Variants in LDLRAD3 observed in about 807,000 individuals in gnomAD.
LDLRAD3 encodes the protein low-density lipoprotein receptor class A domain-containing protein 3.
A neutral mutation model predicts 29.4 loss-of-function variants in LDLRAD3; 20 were observed. The ratio of observed to expected loss-of-function variants is 0.68; its 90% CI spans 0.48 to 0.99. The LOEUF is 0.99. LDLRAD3 is among the 50% of genes least tolerant of loss of function. The pLI is 0.00. For missense variants in LDLRAD3, 420 were observed against 454.3 expected (o/e 0.92, Z 0.69); for synonymous variants, 157 against 192.7 (o/e 0.81, Z 1.53).
At chr11:35,979,313 G>A (rs1851511446) in intron 1 of LDLRAD3, among the ~76,000 whole-genome samples, 1 of 152,132 alleles carries the variant, frequency 6.6e-6, no homozygotes, top group Admixed American at 6.5e-5. Flanking sequence ...TGAGAGTTGT[G>A]TGCAAAAAAA....
intron 1 of LDLRAD3, among the ~76,000 whole-genome samples, chr11:35,962,255 T>TCA (rs1311822790): frequency 1.4e-4 from 22 of 152,316 alleles, no homozygotes; most frequent in African/African-American, 5.1e-4. Context: ...CTCCAAGTTC[T>TCA]AGGGGTATTC....
At chr11:36,145,221 C>G (rs1231875243) in intron 4 of LDLRAD3, among the ~76,000 whole-genome samples, 1 of 9,950 alleles carries the variant, frequency 1.0e-4, no homozygotes, top group Non-Finnish European at 3.7e-4. Context: ...GTCAGCCCCC[C>G]ACCCGCCAGC....
intron 4 of LDLRAD3, among the ~76,000 whole-genome samples, chr11:36,128,117 C>CATACATATATAT (rs1391537319): frequency 1.0e-5 from 1 of 98,954 alleles, no homozygotes; most frequent in Non-Finnish European, 2.3e-5. Flanking sequence ...GTTGTTTTTA[C>CATACATATATAT]ATATATATAT....
At chr11:36,072,510 C>T (rs565022685) in intron 2 of LDLRAD3, among the ~76,000 whole-genome samples, 6 of 152,298 alleles carry the variant, frequency 3.9e-5, no homozygotes, top group Non-Finnish European at 8.8e-5. Flanking sequence ...CAGTTCTGCT[C>T]CTGTGGGAGA....
intron 1 of LDLRAD3, among the ~76,000 whole-genome samples, chr11:35,948,469 T>TGTGC (rs1391225281): frequency 2.0e-5 from 3 of 147,442 alleles, no homozygotes; most frequent in African/African-American, 7.5e-5. Flanking sequence ...TGTGTGTGTG[T>TGTGC]GCACATGCAC....
At chr11:36,174,037 C>A (rs1169975635) in intron 4 of LDLRAD3, among the ~76,000 whole-genome samples, 1 of 152,146 alleles carries the variant, frequency 6.6e-6, no homozygotes, top group Non-Finnish European at 1.5e-5. Context: ...TGGAACAGAA[C>A]AGAGCCCTCA....
intron 2 of LDLRAD3, among the ~76,000 whole-genome samples, chr11:36,063,469 G>A (rs539373869): frequency 2.0e-5 from 3 of 152,224 alleles, no homozygotes; most frequent in African/African-American, 7.2e-5. Flanking sequence ...CTACAGATTT[G>A]CCTATTCTGG....
intron 3 of LDLRAD3, among the ~76,000 whole-genome samples, chr11:36,082,111 A>C (rs553496693): frequency 6.6e-6 from 1 of 152,232 alleles, no homozygotes; most frequent in African/African-American, 2.4e-5. Flanking sequence ...CACATAGCTC[A>C]TAAGAAGCAG....
At chr11:36,011,600 G>T (rs1157289531) in intron 1 of LDLRAD3, among the ~76,000 whole-genome samples, 6 of 152,074 alleles carry the variant, frequency 3.9e-5, no homozygotes, top group African/African-American at 1.4e-4. Context: ...CTTTGAAAGG[G>T]TGGAGAGAGA....
intron 4 of LDLRAD3, among the ~76,000 whole-genome samples, chr11:36,220,036 G>A (rs1371047620): frequency 1.3e-5 from 2 of 152,122 alleles, no homozygotes; most frequent in Non-Finnish European, 2.9e-5. Context: ...CATTAAAGAA[G>A]ATAAGCTGTG....
chr11:36,158,854 A>G (rs183720356), intron 4 of LDLRAD3, among the ~76,000 whole-genome samples: 1 of 152,330 alleles, frequency 6.6e-6, no homozygotes, highest in Admixed American at 6.5e-5. Context: ...GTTGTAATCC[A>G]TGTATACGTT....
rs1590278625 is a variant in LDLRAD3, at chr11:36,114,314, C to T, written c.454+15853C>T. Reference sequence around the variant, plus strand: ...GGTCGAGCTGCAACACTGTGCGGTGCCAACCGGGAGAAATCTGCCTATCGG... The same window carrying T: ...GGTCGAGCTGCAACACTGTGCGGTGTCAACCGGGAGAAATCTGCCTATCGG... On this transcript the variant is annotated intron_variant, in intron 4 of 5. Transcript: ENST00000315571. 2.6e-5 allele frequency among the ~76,000 whole-genome samples: 4 copies of T among 152,306 alleles called. No homozygotes were observed. The South Asian group carries it at 8.3e-4, about 32-fold the overall frequency.
chr11:36,005,167 C>G lies in LDLRAD3; in HGVS notation c.47-30936C>G, dbSNP rs183956633. Reference sequence around the variant, plus strand: ...AGGGTTTTCTTTTCTACCACATGGCCGGGCTGCACATTTTCCAAACTTTTA... The same window carrying G: ...AGGGTTTTCTTTTCTACCACATGGCGGGGCTGCACATTTTCCAAACTTTTA... On this transcript the variant is annotated intron_variant, in intron 1 of 5. Transcript: ENST00000315571. Among the ~76,000 whole-genome samples, 782 of 152,312 alleles carry G rather than the reference C, an allele frequency of 5.1e-3. 4 individuals carry two copies. Among genetic ancestry groups the G allele is most frequent in the African/African-American group, 0.018 (750 of 41,566 alleles).
At chr11:35,994,416 C>CT (rs1309028117) in intron 1 of LDLRAD3, among the ~76,000 whole-genome samples, 1 of 141,902 alleles carries the variant, frequency 7.0e-6, no homozygotes, top group Non-Finnish European at 1.5e-5. Context: ...AGCATTATAT[C>CT]TAAAAAAAAG....
intron 4 of LDLRAD3, among the ~76,000 whole-genome samples, chr11:36,218,276 G>A (rs754924245): frequency 5.3e-5 from 8 of 152,128 alleles, no homozygotes; most frequent in Non-Finnish European, 8.8e-5. Context: ...TTCCAACTCT[G>A]GACTTTTCCC....
In LDLRAD3 at chr11:36,098,507, GC is replaced by G. The variant is rs763318690; in HGVS notation, c.454+47del. On this transcript the variant is annotated intron_variant, in intron 4 of 5. Coordinates refer to ENST00000315571, the MANE Select transcript of LDLRAD3 (RefSeq NM_174902.4). The stretch of plus-strand genomic sequence containing the variant: ...AAAAAGATAATTGCAACACAACACT[GC>G]AGTAATGGAACACCCTGAAAGGCAG... 3.7e-6 allele frequency: 6 copies of G among 1,607,182 alleles called. No individual in the cohort carries two copies. In the Admixed American group the frequency reaches 1.0e-4, roughly 27 times the overall value.
chr11:36,091,823 A>G (rs541784444), intron 3 of LDLRAD3, among the ~76,000 whole-genome samples: 41 of 152,310 alleles, frequency 2.7e-4, no homozygotes, highest in Non-Finnish European at 4.4e-4. Flanking sequence ...CAGAGGATGA[A>G]ATGTTTCCTG....
intron 4 of LDLRAD3, among the ~76,000 whole-genome samples, chr11:36,160,848 G>A (rs545036577): frequency 2.0e-5 from 3 of 151,082 alleles, no homozygotes; most frequent in South Asian, 2.1e-4. Flanking sequence ...AGGCTGGAGT[G>A]CAATGGCGCA....
intron 2 of LDLRAD3, among the ~76,000 whole-genome samples, chr11:36,045,200 G>C (rs1410283178): frequency 1.3e-5 from 2 of 152,240 alleles, no homozygotes; most frequent in South Asian, 2.1e-4. Flanking sequence ...CCTACATACA[G>C]ACGTTTCCAG....
Sources: gnomAD v4.1 joint callset for allele counts (sites outside exome capture counted in the v4.1 genomes callset) on GRCh38, gnomAD v4.1.1 for gene constraint, MANE v1.5 for transcripts, NCBI Gene and HGNC (gene_info 2026-07-23, HGNC 2026-07-21) for gene names.